The following PPARD variants were observed in gnomAD, a reference collection of about 807,000 sequenced individuals.
PPARD encodes peroxisome proliferator activated receptor delta.
PPARD carries 6 observed loss-of-function variants against 39.5 expected under a neutral mutation model. The ratio of observed to expected loss-of-function variants is 0.15; its 90% CI spans 0.08 to 0.30. The LOEUF (loss-of-function observed/expected upper bound fraction) is 0.30, where lower values mean the gene tolerates loss of function less well. Among genes scored for constraint, PPARD ranks in the 10% least tolerant of loss-of-function variants. PPARD has a pLI of 1.00. For synonymous variants in PPARD, 210 were observed against 231.3 expected (o/e 0.91, Z 0.83); for missense variants, 397 against 596.8 (o/e 0.67, Z 3.49).
chr6:35,418,153 C>T (rs989779061), intron 3 of PPARD, among the ~76,000 whole-genome samples: 9 of 152,158 alleles, frequency 5.9e-5, no homozygotes, highest in African/African-American at 2.2e-4. Flanking sequence ...GACGTGCAGG[C>T]CACAAAGACA....
intron 2 of PPARD, among the ~76,000 whole-genome samples, chr6:35,375,549 C>T (rs763898135): frequency 1.3e-5 from 2 of 151,768 alleles, no homozygotes; most frequent in Admixed American, 1.3e-4. Context: ...ATTTTACTTC[C>T]GTTGTTTTTT....
At chr6:35,348,018 C>T (rs190955249) in intron 2 of PPARD, among the ~76,000 whole-genome samples, 2 of 151,974 alleles carry the variant, frequency 1.3e-5, no homozygotes, top group Non-Finnish European at 2.9e-5. Context: ...AGCGATTCTC[C>T]TACCTCAGCC....
rs1766520569 is a variant in PPARD at position 35,425,615 on chromosome 6, G to A, written c.1079-217G>A. Among the ~76,000 whole-genome samples, 3 of 152,156 alleles carry A rather than the reference G, an allele frequency of 2.0e-5. No homozygotes were observed. Among genetic ancestry groups the A allele is most frequent in the South Asian group, 2.1e-4 (1 of 4,826 alleles). ...CACAATACTACGTTGCCTAATCGGG[G>A]GGGAGGTGGGGACAAATTGGCAAAA... On this transcript the variant is annotated intron_variant, in intron 7 of 7. Coordinates refer to ENST00000360694, the MANE Select transcript of PPARD (RefSeq NM_006238.5). This position sits in a 1 kb window ranked among gnomAD's most constrained non-coding sequence, Gnocchi z 4.5.
chr6:35,358,726 G>A (rs1220675509), intron 2 of PPARD, among the ~76,000 whole-genome samples: 2 of 152,222 alleles, frequency 1.3e-5, no homozygotes, highest in Non-Finnish European at 2.9e-5. Flanking sequence ...TGAACAAAGA[G>A]TTCTTTCAGA....
At position 35,375,155 on chromosome 6, in the gene PPARD, TA is replaced by T. The variant is rs758606420; in HGVS notation, c.-102+28006del. ...TTTAACTTAACGTATTACTGTATTA[TA>T]TTTTTTAGTACTTTCCATGTATTTC... is the stretch of plus-strand genomic sequence containing the variant. On this transcript the variant is annotated intron_variant, in intron 2 of 7. Transcript: ENST00000360694. 5.3e-5 allele frequency among the ~76,000 whole-genome samples: 8 copies of T among 152,156 alleles called. No homozygotes were observed. The East Asian group carries it at 9.6e-4, about 18-fold the overall frequency.
intron 2 of PPARD, among the ~76,000 whole-genome samples, chr6:35,399,626 G>C (rs1764570788): frequency 1.3e-5 from 2 of 152,028 alleles, no homozygotes; most frequent in Admixed American, 1.3e-4. Context: ...GAAGTAGGAG[G>C]ATCACTTGAG....
chr6:35,351,562 A>G (rs1438085910), intron 2 of PPARD, among the ~76,000 whole-genome samples: 1 of 150,350 alleles, frequency 6.7e-6, no homozygotes, highest in Non-Finnish European at 1.5e-5. Context: ...CTTTTGTTTG[A>G]TTTTGTCTGA....
At chr6:35,355,552 TAAAAAAAAAAAAAA>T (rs1171537260) in intron 2 of PPARD, among the ~76,000 whole-genome samples, 3 of 59,418 alleles carry the variant, frequency 5.0e-5, no homozygotes, top group African/African-American at 2.4e-4. Context: ...GCCCTGTCTG[TAAAAAAAAAAAAAA>T]AAAAAAAAAA....
intron 2 of PPARD, among the ~76,000 whole-genome samples, chr6:35,385,969 A>T (rs1763627627): frequency 6.6e-6 from 1 of 152,154 alleles, no homozygotes; most frequent in South Asian, 2.1e-4. Context: ...AAGAACAAGC[A>T]GCAGAGTGCA....
chr6:35,370,223 G>T (rs1018265670), intron 2 of PPARD, among the ~76,000 whole-genome samples: 2 of 152,200 alleles, frequency 1.3e-5, no homozygotes, highest in Non-Finnish European at 2.9e-5. Context: ...TGTTGGGAAA[G>T]ATGGTGGTGT....
chr6:35,354,231 CAAAAAA>C (rs1347497564), intron 2 of PPARD, among the ~76,000 whole-genome samples: 2 of 31,630 alleles, frequency 6.3e-5, no homozygotes, highest in African/African-American at 2.5e-4. Context: ...GACTCCGTCT[CAAAAAA>C]AAAAAAAAAA....
intron 2 of PPARD, among the ~76,000 whole-genome samples, chr6:35,376,109 CAAAG>C (rs1227112561): frequency 3.9e-5 from 6 of 152,256 alleles, no homozygotes; most frequent in East Asian, 3.9e-4. Context: ...AAAGAAAAAA[CAAAG>C]AAAAAGCCTT....
chr6:35,408,231 C>T (rs1481830813), intron 2 of PPARD, among the ~76,000 whole-genome samples: 1 of 152,178 alleles, frequency 6.6e-6, no homozygotes, highest in African/African-American at 2.4e-5. Context: ...GAAATAATAG[C>T]TTTTTCGGAA....
At chr6:35,365,605 C>G (rs1011985326) in intron 2 of PPARD, among the ~76,000 whole-genome samples, 11 of 151,366 alleles carry the variant, frequency 7.3e-5, no homozygotes, top group Non-Finnish European at 1.2e-4. Context: ...ATTCTCCCGC[C>G]TCAGCCTCCT....
intron 2 of PPARD, among the ~76,000 whole-genome samples, chr6:35,373,962 G>A (rs762465899): frequency 5.1e-4 from 78 of 152,108 alleles, no homozygotes; most frequent in Non-Finnish European, 9.8e-4. Flanking sequence ...GAGCCACCAC[G>A]CCTGGCCTAC....
intron 2 of PPARD, among the ~76,000 whole-genome samples, chr6:35,393,111 C>T (rs1418046774): frequency 6.6e-6 from 1 of 152,202 alleles, no homozygotes; most frequent in Non-Finnish European, 1.5e-5. Flanking sequence ...GGGCCAGTGG[C>T]TTGGTGAGGC....
At chr6:35,359,521 TTTCTGAGAGGTTCCCCTCCATGGCC>T (rs1761812344) in intron 2 of PPARD, among the ~76,000 whole-genome samples, 1 of 152,054 alleles carries the variant, frequency 6.6e-6, no homozygotes, top group Admixed American at 6.5e-5. Context: ...TTCTGGGTGG[TTTCTGAGAGGTTCCCCTCCATGGCC>T]TTCTTCAGCC....
chr6:35,404,740 TTG>T (rs1764919685), intron 2 of PPARD, among the ~76,000 whole-genome samples: 1 of 152,214 alleles, frequency 6.6e-6, no homozygotes, highest in Non-Finnish European at 1.5e-5. Context: ...GGTGGCTTAG[TTG>T]CTCTGGCCCC....
chr6:35,410,888 C>T (rs1765378895), intron 2 of PPARD, 99 bp from the exon 3 acceptor site: 1 of 1,233,036 alleles, frequency 8.1e-7, no homozygotes, highest in South Asian at 3.8e-5. Flanking sequence ...AGCAGAAGAA[C>T]CCCCTCCATG....
Sources: gnomAD v4.1 joint callset for allele counts (sites outside exome capture counted in the v4.1 genomes callset) on GRCh38, gnomAD v4.1.1 for gene constraint, Gnocchi (gnomAD v3.1) non-coding constraint, MANE v1.5 for transcripts, NCBI Gene and HGNC (gene_info 2026-07-23, HGNC 2026-07-21) for gene names.